The following ZDHHC12 variants were observed in gnomAD, a reference collection of about 807,000 sequenced individuals.
ZDHHC12 encodes the protein palmitoyltransferase ZDHHC12.
A neutral mutation model predicts 33.2 loss-of-function variants in ZDHHC12; 26 were observed. The observed-to-expected ratio is 0.78, with a 90% CI of 0.57 to 1.09. The LOEUF (loss-of-function observed/expected upper bound fraction) is 1.09, where lower values mean the gene tolerates loss of function less well. Among genes scored for constraint, ZDHHC12 ranks in the 50% least tolerant of loss-of-function variants. The pLI, the probability that ZDHHC12 is intolerant of heterozygous loss-of-function variation, is 0.00. For synonymous variants in ZDHHC12, 154 were observed against 152.1 expected (o/e 1.01, Z -0.09); for missense variants, 350 against 353.0 (o/e 0.99, Z 0.07).
In ZDHHC12 at chr9:128,722,237, G is replaced by T; in HGVS notation, c.238-151C>A. 8.8e-7 allele frequency: 1 copy of T among 1,133,126 alleles called. No homozygotes were observed. The highest frequency in any genetic ancestry group is 1.3e-6 in the Non-Finnish European group (1 of 791,152). 70.2% of individuals were successfully genotyped at this position (1,133,126 alleles called of 1,614,324 possible). A position where few individuals can be genotyped will look rare whatever the true frequency, so the allele number is the denominator to read the frequency against. On this transcript the variant is annotated intron_variant, in intron 2 of 4. Coordinates refer to ENST00000372663, the MANE Select transcript of ZDHHC12 (RefSeq NM_032799.5). The surrounding 1 kb of genome is among the most constrained non-coding windows in gnomAD (Gnocchi z 4.2). ...GGTGTGGGGTATGGCGGAGCACCCT[G>T]GACTGAGGGCGGCTGTGTATGTTTG... is the stretch of plus-strand genomic sequence containing the variant.
Position 128,722,595 on chromosome 9 carries a change from A to G in ZDHHC12, c.101-21T>C. On this transcript the variant is annotated intron_variant, in intron 1 of 4. Coordinates refer to ENST00000372663, the MANE Select transcript of ZDHHC12 (RefSeq NM_032799.5). This position sits in a 1 kb window ranked among gnomAD's most constrained non-coding sequence, Gnocchi z 4.2. ...CAGCTCTGGAGAGGCCGGAGAGCACAGTGAGGCTGGGCCGGGTAGAACAGG... is the reference window on the plus strand; with the variant it reads ...CAGCTCTGGAGAGGCCGGAGAGCACGGTGAGGCTGGGCCGGGTAGAACAGG... The G allele has an allele frequency of 2.5e-6, 4 of 1,588,566 alleles. No individual in the cohort carries two copies. Among genetic ancestry groups the G allele is most frequent in the Non-Finnish European group, 3.4e-6 (4 of 1,167,192 alleles).
Position 128,722,845 on chromosome 9 carries a change from G to A in ZDHHC12, c.101-271C>T. 9.1e-7 allele frequency: 1 copy of A among 1,102,970 alleles called. No homozygotes were observed. Among genetic ancestry groups the A allele is most frequent in the Non-Finnish European group, 1.2e-6 (1 of 831,490 alleles). The allele number at this position is 1,102,970 out of a possible 1,614,324, so 68.3% of individuals were successfully genotyped here. A position where few individuals can be genotyped will look rare whatever the true frequency, so the allele number is the denominator to read the frequency against. ...GGGAAGCCTGGGGGCAGAGAATCTG[G>A]CCAGGAGGAAGAAGAGAGTCGCTAC... On this transcript the variant is annotated intron_variant, in intron 1 of 4. Coordinates refer to ENST00000372663, the MANE Select transcript of ZDHHC12 (RefSeq NM_032799.5). This position sits in a 1 kb window ranked among gnomAD's most constrained non-coding sequence, Gnocchi z 4.2.
rs1263429271 is a variant in ZDHHC12 at position 128,721,456 on chromosome 9, T to C, written c.529A>G (p.Ser177Gly). The C allele has an allele frequency of 1.3e-6, 2 of 1,590,256 alleles. No individual in the cohort carries two copies. Among genetic ancestry groups the C allele is most frequent in the Non-Finnish European group, 8.6e-7 (1 of 1,169,252 alleles). Residue 177 changes from serine to glycine, a missense_variant, in exon 5 of 5, where the codon AGC becomes GGC. By Grantham distance (56) the Ser-to-Gly change is moderately conservative. Transcript: ENST00000372663. This position sits in a 1 kb window ranked among gnomAD's most constrained non-coding sequence, Gnocchi z 6.9. Reference sequence around the variant, plus strand: ...AGGAAGGTGGCGAACAGGAGCCCGCTGGACCGCAACCACTGACCCCAGGGC... The same window carrying C: ...AGGAAGGTGGCGAACAGGAGCCCGCCGGACCGCAACCACTGACCCCAGGGC... ...FQPWGQWLRS[S>G]GLLFATFLLL...
chr9:128,724,068 G>A lies in ZDHHC12; in HGVS notation c.26C>T (p.Pro9Leu), dbSNP rs779385268. The A allele has an allele frequency of 1.9e-6, 3 of 1,599,834 alleles. No homozygotes were observed. Among genetic ancestry groups the A allele is most frequent in the East Asian group, 4.5e-5 (2 of 44,190 alleles). Residue 9 changes from proline to leucine, a missense_variant, in exon 1 of 5, where the codon CCT becomes CTT. Coordinates refer to ENST00000372663, the MANE Select transcript of ZDHHC12 (RefSeq NM_032799.5). ...GTGCCCGGTCCGCACCAGGACCCCA[G>A]GGCTGAGGAGCGCCCAGGGCGCCAT... MAPWALLSPGVLVRTGHTV... is the reference protein window; with the variant it reads MAPWALLSLGVLVRTGHTV...
At position 128,723,987 on chromosome 9, in the gene ZDHHC12, G is replaced by C; in HGVS notation, c.100+7C>G. 1 of 1,610,704 alleles carries C rather than the reference G, an allele frequency of 6.2e-7. No homozygotes were observed. Among genetic ancestry groups the C allele is most frequent in the South Asian group, 1.1e-5 (1 of 90,458 alleles). ...GTGGGTCCGGGGTCGCTCGGGGTCC[G>C]GCTCACCGGTATCGTGCAGGAAGAG... On this transcript the variant is annotated splice_region_variant and intron_variant, in intron 1 of 4. Coordinates refer to ENST00000372663, the MANE Select transcript of ZDHHC12 (RefSeq NM_032799.5). The surrounding 1 kb of genome is among the most constrained non-coding windows in gnomAD (Gnocchi z 4.4).
In ZDHHC12 at chr9:128,722,528, G is replaced by A. The variant is rs1202772402; in HGVS notation, c.147C>T (p.Thr49=). The A allele has an allele frequency of 6.3e-7, 1 of 1,590,302 alleles. No individual in the cohort carries two copies. The change falls in exon 2 of 5, where the codon ACC becomes ACT. Residue 49 remains threonine, a synonymous_variant. Transcript: ENST00000372663. The surrounding 1 kb of genome is among the most constrained non-coding windows in gnomAD (Gnocchi z 4.2). ...GGGAGCCCAGCACCAGGAGCAGGAA[G>A]GTGAGGGGCAGGAGCAGCTCCCCCT... ...EEQGELLLPL[T]FLLLVLGSLL...
At position 128,722,866 on chromosome 9, in the gene ZDHHC12, G is replaced by A. The variant is rs778147071; in HGVS notation, c.101-292C>T. The A allele has an allele frequency of 9.3e-5, 80 of 860,620 alleles. No individual in the cohort carries two copies. Among genetic ancestry groups the A allele is most frequent in the Non-Finnish European group, 1.2e-4 (77 of 629,266 alleles). The allele number at this position is 860,620 out of a possible 1,614,324, so 53.3% of individuals were successfully genotyped here. On this transcript the variant is annotated intron_variant, in intron 1 of 4. Coordinates refer to ENST00000372663, the MANE Select transcript of ZDHHC12 (RefSeq NM_032799.5). The surrounding 1 kb of genome is among the most constrained non-coding windows in gnomAD (Gnocchi z 4.2). ...TCTGGCCAGGAGGAAGAAGAGAGTC[G>A]CTACAAAGGCCTGGCAGGAAGTGAG...
chr9:128,721,312 G>A lies in ZDHHC12; in HGVS notation c.673C>T (p.Gln225Ter), dbSNP rs914949368. 8.8e-6 allele frequency: 14 copies of A among 1,593,146 alleles called. No individual in the cohort carries two copies. Among genetic ancestry groups the A allele is most frequent in the East Asian group, 2.3e-5 (1 of 44,214 alleles). Residue 225 changes from glutamine to a stop codon, truncating the protein, a stop_gained, in exon 5 of 5, where the codon CAG (glutamine) becomes TAG (stop). Coordinates refer to ENST00000372663, the MANE Select transcript of ZDHHC12 (RefSeq NM_032799.5). LOFTEE classifies it high-confidence loss of function. This position sits in a 1 kb window ranked among gnomAD's most constrained non-coding sequence, Gnocchi z 6.9. ...ISSHRIAYLR[Q>*]RPSNPFDRGL... ...CGGTCGAAGGGGTTGCTGGGGCGCT[G>A]GCGGAGATAGGCGATGCGGTGTGAG...
Position 128,721,113 on chromosome 9 carries a change from G to A in ZDHHC12, c.*68C>T, listed in dbSNP as rs902417342. The A allele has an allele frequency of 1.5e-5, 22 of 1,431,690 alleles. No individual in the cohort carries two copies. The highest frequency in any genetic ancestry group is 1.4e-4 in the African/African-American group (10 of 69,878). The allele number at this position is 1,431,690 out of a possible 1,614,324, so 88.7% of individuals were successfully genotyped here. ...AGTGAGGGCCCCAGGCCCTCTGAGC[G>A]CTCACCCCAGCTGGGGACAGGCCCC... On this transcript the variant is annotated 3_prime_UTR_variant, in exon 5 of 5. Transcript: ENST00000372663. The surrounding 1 kb of genome is among the most constrained non-coding windows in gnomAD (Gnocchi z 6.9).
rs541498166 is a variant in ZDHHC12 at position 128,722,449 on chromosome 9, G to T, written c.226C>A (p.Pro76Thr). 2.0e-6 allele frequency: 3 copies of T among 1,522,148 alleles called. No individual in the cohort carries two copies. In the African/African-American group the frequency reaches 4.1e-5, roughly 21 times the overall value. 94.3% of individuals were successfully genotyped at this position (1,522,148 alleles called of 1,614,324 possible). Reference protein sequence around the residue: ...LMDPGYVNVQPQPQEELKEEQ... With the variant: ...LMDPGYVNVQTQPQEELKEEQ... ...GGGCCCCTGGTTACCTGAGGCTGGG[G>T]CTGCACATTCACGTAGCCAGGGTCC... The change falls in exon 2 of 5, where the codon CCC (proline) becomes ACC (threonine). Residue 76 changes from proline to threonine, a missense_variant. Transcript: ENST00000372663. This position sits in a 1 kb window ranked among gnomAD's most constrained non-coding sequence, Gnocchi z 4.2.
In ZDHHC12 at chr9:128,720,991, T is replaced by G; in HGVS notation, c.*190A>C. On this transcript the variant is annotated 3_prime_UTR_variant, in exon 5 of 5. Coordinates refer to ENST00000372663, the MANE Select transcript of ZDHHC12 (RefSeq NM_032799.5). This position sits in a 1 kb window ranked among gnomAD's most constrained non-coding sequence, Gnocchi z 5.5. ...TGGGCCTGAGCCACCCACAGGTCCT[T>G]TTCTTCCCCTTCTTCCTTGGAAGGC... 1.5e-6 allele frequency: 1 copy of G among 680,912 alleles called. No individual in the cohort carries two copies. Among genetic ancestry groups the G allele is most frequent in the Non-Finnish European group, 2.4e-6 (1 of 420,926 alleles). 42.2% of individuals were successfully genotyped at this position (680,912 alleles called of 1,614,324 possible).
Position 128,721,463 on chromosome 9 carries a change from C to T in ZDHHC12, c.522G>A (p.Leu174=), listed in dbSNP as rs758916070. The change falls in exon 5 of 5, where the codon TTG becomes TTA. Residue 174 remains leucine, a synonymous_variant. Transcript: ENST00000372663. This position sits in a 1 kb window ranked among gnomAD's most constrained non-coding sequence, Gnocchi z 6.9. ...TGGCGAACAGGAGCCCGCTGGACCG[C>T]AACCACTGACCCCAGGGCTGGAAGA... is the stretch of plus-strand genomic sequence containing the variant. The part of the protein sequence containing the change: ...LRFFQPWGQW[L]RSSGLLFATF... 6 of 1,592,316 alleles carry T rather than the reference C, an allele frequency of 3.8e-6. No homozygotes were observed. The Admixed American group carries it at 1.1e-4, about 29-fold the overall frequency.
rs1009998589 is a variant in ZDHHC12, at chr9:128,721,952, G to A, written c.315+57C>T. ...GGCCCAGGCAGTGGGGCAGGAGGAG[G>A]TCGAGGAGTCTCAGCTTTGGCCCAA... On this transcript the variant is annotated intron_variant, in intron 3 of 4. Transcript: ENST00000372663. The surrounding 1 kb of genome is among the most constrained non-coding windows in gnomAD (Gnocchi z 6.9). The A allele has an allele frequency of 1.9e-6, 3 of 1,612,186 alleles. No individual in the cohort carries two copies. In the African/African-American group the frequency reaches 4.0e-5, roughly 21 times the overall value.
Position 128,721,860 on chromosome 9 carries a change from T to C in ZDHHC12, c.316-43A>G. 2 of 1,605,048 alleles carry C rather than the reference T, an allele frequency of 1.2e-6. No individual in the cohort carries two copies. The highest frequency in any genetic ancestry group is 2.2e-5 in the South Asian group (2 of 90,198). ...AGTGGAGGCTCAGTGCCAGCCCTGC[T>C]GTGGGCCCACCACTGAGGGAAGGAA... On this transcript the variant is annotated intron_variant, in intron 3 of 4. Transcript: ENST00000372663. The surrounding 1 kb of genome is among the most constrained non-coding windows in gnomAD (Gnocchi z 6.9).
Position 128,723,893 on chromosome 9 carries a change from C to G in ZDHHC12, c.100+101G>C. 1 of 1,501,044 alleles carries G rather than the reference C, an allele frequency of 6.7e-7. No homozygotes were observed. Among genetic ancestry groups the G allele is most frequent in the Non-Finnish European group, 9.0e-7 (1 of 1,110,914 alleles). 93.0% of individuals were successfully genotyped at this position (1,501,044 alleles called of 1,614,324 possible). ...GGAGCTGGTGGAGATCGGGCCAATC[C>G]CAGGATCTCCAGGGATTAGGCGGGA... On this transcript the variant is annotated intron_variant, in intron 1 of 4. Transcript: ENST00000372663. This position sits in a 1 kb window ranked among gnomAD's most constrained non-coding sequence, Gnocchi z 4.4.
rs1370901752 is a variant in ZDHHC12, at chr9:128,722,478, A to AGTG, written c.194_196dup (p.Ser65_Leu66insPro). On this transcript the variant is annotated inframe_insertion, in exon 2 of 5. Transcript: ENST00000372663. This position sits in a 1 kb window ranked among gnomAD's most constrained non-coding sequence, Gnocchi z 4.2. ...CACATTCACGTAGCCAGGGTCCATGAGTGACACAGCGAGGTAGAGCAGCAG... is the reference window on the plus strand; with the variant it reads ...CACATTCACGTAGCCAGGGTCCATGAGTGGTGACACAGCGAGGTAGAGCAGCAG... 1 of 1,561,160 alleles carries AGTG rather than the reference A, an allele frequency of 6.4e-7. No individual in the cohort carries two copies. Among genetic ancestry groups the AGTG allele is most frequent in the Non-Finnish European group, 8.7e-7 (1 of 1,152,340 alleles).
Position 128,724,029 on chromosome 9 carries a change from C to T in ZDHHC12, c.65G>A (p.Trp22Ter), listed in dbSNP as rs867705969. The T allele has an allele frequency of 6.2e-7, 1 of 1,612,750 alleles. No individual in the cohort carries two copies. The highest frequency in any genetic ancestry group is 1.7e-4 in the Middle Eastern group (1 of 6,054). ...CAGGAAGAGCACCAGCGTGATTCCC[C>T]AGGTCAGCACGGTGTGCCCGGTCCG... ...LVRTGHTVLT[W>*]GITLVLFLHD... The change falls in exon 1 of 5, where the codon TGG (tryptophan) becomes TAG (stop). Residue 22 changes from tryptophan to a stop codon, truncating the protein, a stop_gained. Coordinates refer to ENST00000372663, the MANE Select transcript of ZDHHC12 (RefSeq NM_032799.5). LOFTEE classifies it high-confidence loss of function.
At position 128,722,899 on chromosome 9, in the gene ZDHHC12, G is replaced by C; in HGVS notation, c.101-325C>G. On this transcript the variant is annotated intron_variant, in intron 1 of 4. Coordinates refer to ENST00000372663, the MANE Select transcript of ZDHHC12 (RefSeq NM_032799.5). This position sits in a 1 kb window ranked among gnomAD's most constrained non-coding sequence, Gnocchi z 4.2. ...GGCCTGGCAGGAAGTGAGGGAGGAA[G>C]GAATGGACAGGGGGCTGCTGGGTCA... is the stretch of plus-strand genomic sequence containing the variant. 3.8e-6 allele frequency: 2 copies of C among 532,958 alleles called. No individual in the cohort carries two copies. The highest frequency in any genetic ancestry group is 5.7e-6 in the Non-Finnish European group (2 of 350,882). 33.0% of individuals were successfully genotyped at this position (532,958 alleles called of 1,614,324 possible). A position where few individuals can be genotyped will look rare whatever the true frequency, so the allele number is the denominator to read the frequency against.
chr9:128,723,739 C>T lies in ZDHHC12; in HGVS notation c.100+255G>A. Reference sequence around the variant, plus strand: ...AGTCGGTCCTTGGATCTGGTGGGCACCGGCTGGGTCCTGGGATGGACAGGG... The same window carrying T: ...AGTCGGTCCTTGGATCTGGTGGGCATCGGCTGGGTCCTGGGATGGACAGGG... On this transcript the variant is annotated intron_variant, in intron 1 of 4. Transcript: ENST00000372663. The surrounding 1 kb of genome is among the most constrained non-coding windows in gnomAD (Gnocchi z 4.4). The T allele has an allele frequency of 1.8e-6, 1 of 553,912 alleles. No homozygotes were observed. Among genetic ancestry groups the T allele is most frequent in the Non-Finnish European group, 3.1e-6 (1 of 324,312 alleles). 34.3% of individuals were successfully genotyped at this position (553,912 alleles called of 1,614,324 possible).
Sources: allele counts gnomAD v4.1 joint callset, GRCh38; gene constraint gnomAD v4.1.1; non-coding constraint Gnocchi (gnomAD v3.1); transcripts MANE v1.5; gene names NCBI Gene and HGNC (gene_info 2026-07-23, HGNC 2026-07-21).